Variants in SATB2 observed in about 807,000 individuals in gnomAD.
SATB2 encodes DNA-binding protein SATB2.
SATB2 carries 1 observed loss-of-function variant against 73.4 expected under a neutral mutation model. The observed-to-expected ratio is 0.01, with a 90% CI of 0.00 to 0.06. The LOEUF (loss-of-function observed/expected upper bound fraction) is 0.06, where lower values mean the gene tolerates loss of function less well. Ranked by LOEUF, SATB2 falls within the 10% of genes least tolerant of loss-of-function variation. The pLI, the probability that SATB2 is intolerant of heterozygous loss-of-function variation, is 1.00. For synonymous variants in SATB2, 397 were observed against 367.0 expected (o/e 1.08, Z -0.93); for missense variants, 459 against 945.8 (o/e 0.49, Z 6.75).
At chr2:199,342,288 A>G (rs563959644) in intron 7 of SATB2, among the ~76,000 whole-genome samples, 3 of 152,222 alleles carry the variant, frequency 2.0e-5, no homozygotes, top group South Asian at 2.1e-4. Context: ...GAAATGTATC[A>G]TGGGATTGCC....
chr2:199,288,307 C>A (rs1455066699), intron 10 of SATB2, among the ~76,000 whole-genome samples: 1 of 152,166 alleles, frequency 6.6e-6, no homozygotes, highest in Non-Finnish European at 1.5e-5. Context: ...AGCCAAGAAC[C>A]AGTTTAGGAT....
chr2:199,300,545 T>A (rs1483524679), intron 10 of SATB2, among the ~76,000 whole-genome samples: 1 of 152,008 alleles, frequency 6.6e-6, no homozygotes, highest in Non-Finnish European at 1.5e-5. Flanking sequence ...AAAGACAATA[T>A]ATATTAGCAA....
At chr2:199,293,602 T>C (rs938739706) in intron 10 of SATB2, among the ~76,000 whole-genome samples, 1 of 152,108 alleles carries the variant, frequency 6.6e-6, no homozygotes. Context: ...GAAAATACTA[T>C]GTGTGTGTCA....
intron 10 of SATB2, among the ~76,000 whole-genome samples, chr2:199,299,314 C>A (rs1177758931): frequency 6.6e-6 from 1 of 152,168 alleles, no homozygotes; most frequent in Non-Finnish European, 1.5e-5. Context: ...TCACTTTAGA[C>A]TCTATAGAAT....
intron 2 of SATB2, among the ~76,000 whole-genome samples, chr2:199,448,591 G>GA (rs1329152149): frequency 3.3e-5 from 5 of 152,136 alleles, no homozygotes; most frequent in African/African-American, 1.2e-4. Context: ...TTAGCACTTT[G>GA]GAAAACATTT....
At chr2:199,329,048 G>T (rs1392910900) in intron 7 of SATB2, 138 bp from the exon 8 acceptor site, 1 of 717,602 alleles carries the variant, frequency 1.4e-6, no homozygotes, top group African/African-American at 1.7e-5. Flanking sequence ...TAATTCCTTA[G>T]GGTTCTCCGA....
intron 3 of SATB2, among the ~76,000 whole-genome samples, chr2:199,422,813 A>C (rs894601595): frequency 4.0e-4 from 61 of 152,150 alleles, no homozygotes; most frequent in African/African-American, 1.4e-3. Flanking sequence ...GGTATATAAG[A>C]AGCACTCAAT....
chr2:199,273,385 G>T (rs1184722088), intron 10 of SATB2, among the ~76,000 whole-genome samples: 1 of 152,106 alleles, frequency 6.6e-6, no homozygotes, highest in East Asian at 1.9e-4. Context: ...GTCATAGTTT[G>T]CCTCATCTCT....
chr2:199,404,692 GA>G (rs1032898804), intron 3 of SATB2, among the ~76,000 whole-genome samples: 1 of 151,898 alleles, frequency 6.6e-6, no homozygotes, highest in Non-Finnish European at 1.5e-5. Context: ...GTTAAAAAAA[GA>G]AAAAAATCAC....
At chr2:199,354,730 C>T (rs908528892) in intron 6 of SATB2, among the ~76,000 whole-genome samples, 2 of 152,168 alleles carry the variant, frequency 1.3e-5, no homozygotes, top group Non-Finnish European at 2.9e-5. Flanking sequence ...CAGATTCCTT[C>T]AAGTTTCCTG....
At chr2:199,284,695 T>C (rs1692632776) in intron 10 of SATB2, among the ~76,000 whole-genome samples, 1 of 152,144 alleles carries the variant, frequency 6.6e-6, no homozygotes, top group Non-Finnish European at 1.5e-5. Context: ...GAAATAAATA[T>C]ATCATTTACA....
Position 199,272,024 on chromosome 2 carries a change from A to G in SATB2, c.*187T>C. 1 of 648,782 alleles carries G rather than the reference A, an allele frequency of 1.5e-6. No homozygotes were observed. Among genetic ancestry groups the G allele is most frequent in the East Asian group, 2.7e-5 (1 of 36,878 alleles). 40.2% of individuals were successfully genotyped at this position (648,782 alleles called of 1,614,324 possible). A position where few individuals can be genotyped will look rare whatever the true frequency, so the allele number is the denominator to read the frequency against. Reference sequence around the variant, plus strand: ...GAAATACTGAACTTATTCAGTCTATAGGTGTATCCTGTGCAACAAAGAAAT... The same window carrying G: ...GAAATACTGAACTTATTCAGTCTATGGGTGTATCCTGTGCAACAAAGAAAT... On this transcript the variant is annotated 3_prime_UTR_variant, in exon 11 of 11. Transcript: ENST00000417098. This position sits in a 1 kb window ranked among gnomAD's most constrained non-coding sequence, Gnocchi z 6.7.
At chr2:199,288,649 A>T (rs1692756104) in intron 10 of SATB2, among the ~76,000 whole-genome samples, 1 of 152,230 alleles carries the variant, frequency 6.6e-6, no homozygotes, top group South Asian at 2.1e-4. Flanking sequence ...GAATGTAACC[A>T]CTTAATAACA....
At chr2:199,439,985 A>T (rs1691766669) in intron 2 of SATB2, among the ~76,000 whole-genome samples, 1 of 152,118 alleles carries the variant, frequency 6.6e-6, no homozygotes, top group African/African-American at 2.4e-5. Flanking sequence ...GGCGCCTGTA[A>T]TCCCAGCTAC....
chr2:199,310,407 AT>A (rs555797252), intron 9 of SATB2, among the ~76,000 whole-genome samples: 4 of 151,938 alleles, frequency 2.6e-5, no homozygotes, highest in South Asian at 2.1e-4. Context: ...ATTTTCATAG[AT>A]TTTTTTTCAA....
chr2:199,319,656 T>C (rs543622185), intron 9 of SATB2, among the ~76,000 whole-genome samples: 1 of 152,152 alleles, frequency 6.6e-6, no homozygotes, highest in East Asian at 1.9e-4. Flanking sequence ...TTTCTCTCCC[T>C]ACTCTATTTT....
intron 3 of SATB2, among the ~76,000 whole-genome samples, chr2:199,426,708 A>G (rs1411248972): frequency 1.1e-3 from 37 of 34,272 alleles, no homozygotes; most frequent in African/African-American, 1.6e-3. Flanking sequence ...AAAAAAAAAA[A>G]AAAGAAAAGA....
intron 4 of SATB2, 90 bp downstream of exon 4, chr2:199,381,604 A>G: frequency 6.5e-7 from 1 of 1,532,450 alleles, no homozygotes; most frequent in Non-Finnish European, 9.0e-7. Context: ...CCAGAAATTA[A>G]TAGACAGGAC....
chr2:199,367,668 T>C (rs1249933454), intron 6 of SATB2, among the ~76,000 whole-genome samples: 1 of 152,106 alleles, frequency 6.6e-6, no homozygotes, highest in Non-Finnish European at 1.5e-5. Flanking sequence ...TGAATACATA[T>C]TATAAAGTGT....
Sources: allele counts gnomAD v4.1 joint callset (sites outside exome capture counted in the v4.1 genomes callset), GRCh38; gene constraint gnomAD v4.1.1; non-coding constraint Gnocchi (gnomAD v3.1); transcripts MANE v1.5; gene names NCBI Gene and HGNC (gene_info 2026-07-23, HGNC 2026-07-21).